Variants in LEPR observed in about 807,000 individuals in gnomAD.
The protein encoded by LEPR is OB receptor.
LEPR carries 56 observed loss-of-function variants against 114.7 expected under a neutral mutation model. The ratio of observed to expected loss-of-function variants is 0.49; its 90% CI spans 0.39 to 0.61. The LOEUF (loss-of-function observed/expected upper bound fraction) is 0.61, where lower values mean the gene tolerates loss of function less well. Ranked by LOEUF, LEPR falls within the 20% of genes least tolerant of loss-of-function variation. The pLI, the probability that LEPR is intolerant of heterozygous loss-of-function variation, is 0.00. For synonymous variants in LEPR, 443 were observed against 461.4 expected (o/e 0.96, Z 0.51); for missense variants, 1,202 against 1,352.9 (o/e 0.89, Z 1.75).
chr1:65,569,499 G>A (rs1248855787), intron 3 of LEPR, among the ~76,000 whole-genome samples: 1 of 152,094 alleles, frequency 6.6e-6, no homozygotes, highest in Admixed American at 6.6e-5. Flanking sequence ...CTGAGGTCAG[G>A]AGTTCGAGAC....
rs776242813 is a variant in LEPR, at chr1:65,618,144, A to G, written c.2393A>G (p.His798Arg). The G allele has an allele frequency of 6.2e-7, 1 of 1,603,856 alleles. No homozygotes were observed. Among genetic ancestry groups the G allele is most frequent in the Non-Finnish European group, 8.5e-7 (1 of 1,174,736 alleles). Reference protein sequence around the residue: ...ISSSVKKYYIHDHFIPIEKYQ... With the variant: ...ISSSVKKYYIRDHFIPIEKYQ... ...TCATCTGTTAAGAAGTATTATATCCATGGTAAGTTTACTATACTTTAGTAA... is the reference window on the plus strand; with the variant it reads ...TCATCTGTTAAGAAGTATTATATCCGTGGTAAGTTTACTATACTTTAGTAA... Residue 798 changes from histidine to arginine, a missense_variant and splice_region_variant, in exon 16 of 20, where the codon CAT (histidine) becomes CGT (arginine). Physicochemically the swap from His to Arg is conservative, Grantham distance 29. Transcript: ENST00000349533.
intron 2 of LEPR, among the ~76,000 whole-genome samples, chr1:65,467,698 C>T (rs116729383): frequency 0.026 from 3,946 of 152,268 alleles, 77 homozygotes; most frequent in Non-Finnish European, 0.037. Context: ...CCACCCAGTT[C>T]GTGCTTCTTG....
At chr1:65,542,071 A>AT (rs1327865936) in intron 2 of LEPR, among the ~76,000 whole-genome samples, 3 of 152,096 alleles carry the variant, frequency 2.0e-5, no homozygotes, top group East Asian at 1.9e-4. Flanking sequence ...ATAGATTTGG[A>AT]TTTTTTCTTC....
chr1:65,519,768 G>C (rs1168389521), intron 2 of LEPR, among the ~76,000 whole-genome samples: 3 of 151,880 alleles, frequency 2.0e-5, no homozygotes, highest in African/African-American at 7.2e-5. Context: ...TTTTGAGTTT[G>C]AGCAATCCTC....
At chr1:65,420,907 G>A (rs1203618472) in intron 1 of LEPR, among the ~76,000 whole-genome samples, 167 bp downstream of exon 1, 4 of 152,324 alleles carry the variant, frequency 2.6e-5, no homozygotes, top group African/African-American at 9.6e-5. Flanking sequence ...CTTGGGGTGT[G>A]GGTGGAGCGG....
chr1:65,463,714 A>G (rs910182342), intron 2 of LEPR, among the ~76,000 whole-genome samples: 1 of 152,076 alleles, frequency 6.6e-6, no homozygotes, highest in Non-Finnish European at 1.5e-5. Context: ...AGTGATTTGT[A>G]GTTCTCCTTG....
At chr1:65,534,387 T>C (rs1650612144) in intron 2 of LEPR, among the ~76,000 whole-genome samples, 1 of 152,164 alleles carries the variant, frequency 6.6e-6, no homozygotes, top group Non-Finnish European at 1.5e-5. Flanking sequence ...TTACTTTAAC[T>C]TCATTTAATA....
intron 2 of LEPR, among the ~76,000 whole-genome samples, chr1:65,546,131 T>A (rs1651696346): frequency 2.0e-5 from 3 of 152,220 alleles, no homozygotes; most frequent in Admixed American, 2.0e-4. Flanking sequence ...TATGCAGTGT[T>A]ATTTCTGAGG....
At chr1:65,490,021 C>T (rs1647781196) in intron 2 of LEPR, among the ~76,000 whole-genome samples, 1 of 152,168 alleles carries the variant, frequency 6.6e-6, no homozygotes, top group Non-Finnish European at 1.5e-5. Flanking sequence ...AACCCTGGCT[C>T]TGCTACCTTT....
intron 6 of LEPR, among the ~76,000 whole-genome samples, chr1:65,595,244 G>T (rs1322311812): frequency 6.6e-6 from 1 of 152,032 alleles, no homozygotes; most frequent in Admixed American, 6.6e-5. Flanking sequence ...GGCTTTTATG[G>T]AATACTGTGG....
rs148569407 is a variant in LEPR at position 65,497,645 on chromosome 1, C to G, written c.-20-67901C>G. 1.3e-3 allele frequency among the ~76,000 whole-genome samples: 195 copies of G among 152,242 alleles called. 2 individuals carry two copies. Among genetic ancestry groups the G allele is most frequent in the African/African-American group, 4.6e-3 (190 of 41,548 alleles). On this transcript the variant is annotated intron_variant, in intron 2 of 19. Coordinates refer to ENST00000349533, the MANE Select transcript of LEPR (RefSeq NM_002303.6). ...ATTATGAGTGGGTTGTTTATACACT[C>G]AAGCCTCAGGACATATAAACAGGAT...
intron 18 of LEPR, 81 bp downstream of exon 18, chr1:65,621,539 G>C (rs1239060312): frequency 8.2e-7 from 1 of 1,221,176 alleles, no homozygotes; most frequent in South Asian, 1.3e-5. Flanking sequence ...TTCTAAATTA[G>C]GAATATTAAA....
At chr1:65,514,313 G>A (rs562410715) in intron 2 of LEPR, among the ~76,000 whole-genome samples, 3 of 152,184 alleles carry the variant, frequency 2.0e-5, no homozygotes, top group East Asian at 1.9e-4. Context: ...TGAGTTACAC[G>A]TTGAGCAATT....
At chr1:65,543,093 T>A (rs927005627) in intron 2 of LEPR, among the ~76,000 whole-genome samples, 1 of 152,044 alleles carries the variant, frequency 6.6e-6, no homozygotes, top group African/African-American at 2.4e-5. Context: ...GTAAAAGCGT[T>A]CCTATTTCTC....
At chr1:65,458,994 A>C (rs1323146457) in intron 2 of LEPR, among the ~76,000 whole-genome samples, 1 of 152,174 alleles carries the variant, frequency 6.6e-6, no homozygotes, top group Non-Finnish European at 1.5e-5. Context: ...GGCACTCTTC[A>C]TTTCTGTGAG....
At chr1:65,626,353 G>A in intron 19 of LEPR, 3 of 1,258,328 alleles carry the variant, frequency 2.4e-6, no homozygotes, top group Non-Finnish European at 3.0e-6. Context: ...GGGTGTGAAT[G>A]TTCTTATTTG....
At chr1:65,566,189 T>C (rs541433104) in intron 3 of LEPR, among the ~76,000 whole-genome samples, 13 of 151,340 alleles carry the variant, frequency 8.6e-5, no homozygotes, top group Non-Finnish European at 1.8e-4. Flanking sequence ...AAAATATTTC[T>C]GTAGATTAAT....
At chr1:65,569,918 G>T (rs1222953258) in intron 3 of LEPR, among the ~76,000 whole-genome samples, 5 of 151,216 alleles carry the variant, frequency 3.3e-5, no homozygotes, top group Admixed American at 2.6e-4. Flanking sequence ...TGTATTTGGA[G>T]GATCATGGGA....
intron 2 of LEPR, among the ~76,000 whole-genome samples, chr1:65,539,251 C>CT (rs11350039): frequency 1.4e-4 from 20 of 146,748 alleles, no homozygotes; most frequent in East Asian, 4.1e-4. Flanking sequence ...TTTGTTAAAG[C>CT]TTTTTTTTTT....
Sources: gnomAD v4.1 joint callset for allele counts (sites outside exome capture counted in the v4.1 genomes callset) on GRCh38, gnomAD v4.1.1 for gene constraint, MANE v1.5 for transcripts, NCBI Gene and HGNC (gene_info 2026-07-23, HGNC 2026-07-21) for gene names.